CNTN5: variants seen among roughly 807,000 people sequenced by gnomAD.
CNTN5 encodes the protein contactin-5.
In CNTN5, 77 loss-of-function variants were observed where a neutral mutation model predicts 129.1. That is an observed-to-expected ratio of 0.60 (90% CI 0.50 to 0.72). The LOEUF (loss-of-function observed/expected upper bound fraction) is 0.72. Among genes scored for constraint, CNTN5 ranks in the 30% least tolerant of loss-of-function variants. The pLI is 0.00. For missense variants in CNTN5, 1,478 were observed against 1,328.8 expected (o/e 1.11, Z -1.75); for synonymous variants, 509 against 465.6 (o/e 1.09, Z -1.20).
At chr11:99,352,636 A>G (rs535327035) in intron 2 of CNTN5, among the ~76,000 whole-genome samples, 30 of 152,300 alleles carry the variant, frequency 2.0e-4, no homozygotes, top group African/African-American at 7.0e-4. Context: ...ACTTTCCACA[A>G]TTTCTGTGTA....
rs998245685 is a variant in CNTN5, at chr11:99,675,804, G to A, written c.55+119535G>A. ...ACATAGCCCCTGCAGTTGTTATATG[G>A]GTACTAAATTGTGACTCTGTCAACA... is the stretch of plus-strand genomic sequence containing the variant. On this transcript the variant is annotated intron_variant, in intron 3 of 24. Coordinates refer to ENST00000524871, the MANE Select transcript of CNTN5 (RefSeq NM_014361.4). Among the ~76,000 whole-genome samples the A allele has an allele frequency of 2.6e-5, 4 of 152,106 alleles. No individual in the cohort carries two copies. The East Asian group carries it at 7.7e-4, about 29-fold the overall frequency.
chr11:99,731,505 C>A (rs1343001686), intron 3 of CNTN5, among the ~76,000 whole-genome samples: 1 of 152,118 alleles, frequency 6.6e-6, no homozygotes, highest in East Asian at 1.9e-4. Flanking sequence ...AAATACTTTA[C>A]CCTTAAATTA....
chr11:99,031,571 A>C (rs1431832781), intron 1 of CNTN5, among the ~76,000 whole-genome samples: 2 of 152,028 alleles, frequency 1.3e-5, no homozygotes, highest in African/African-American at 2.4e-5. Flanking sequence ...AGCTGATAGA[A>C]AGCAATTTTG....
At chr11:99,661,703 A>G (rs981266932) in intron 3 of CNTN5, among the ~76,000 whole-genome samples, 1 of 152,124 alleles carries the variant, frequency 6.6e-6, no homozygotes, top group East Asian at 1.9e-4. Context: ...ACATATACAC[A>G]TATAGTAACT....
chr11:99,581,733 C>G (rs926361153), intron 3 of CNTN5, among the ~76,000 whole-genome samples: 9 of 152,206 alleles, frequency 5.9e-5, no homozygotes, highest in African/African-American at 2.2e-4. Context: ...TGTCTCAGCA[C>G]ATGAGATGGG....
chr11:99,981,587 T>G (rs921096321), intron 8 of CNTN5, among the ~76,000 whole-genome samples: 6 of 152,180 alleles, frequency 3.9e-5, no homozygotes, highest in Non-Finnish European at 8.8e-5. Context: ...TTTCTTGGTA[T>G]TGCTTAACGT....
intron 9 of CNTN5, among the ~76,000 whole-genome samples, chr11:100,040,567 G>T (rs964449145): frequency 1.2e-4 from 18 of 152,240 alleles, no homozygotes; most frequent in Non-Finnish European, 1.5e-4. Context: ...TGCCCCCAGA[G>T]GTGGAGCCTA....
At chr11:100,099,050 G>T (rs1945120751) in intron 13 of CNTN5, among the ~76,000 whole-genome samples, 1 of 151,996 alleles carries the variant, frequency 6.6e-6, no homozygotes, top group Non-Finnish European at 1.5e-5. Flanking sequence ...AGTAACTTTG[G>T]AAAAGAGCCT....
intron 3 of CNTN5, among the ~76,000 whole-genome samples, chr11:99,652,845 G>C (rs1952211042): frequency 6.6e-6 from 1 of 151,982 alleles, no homozygotes; most frequent in Non-Finnish European, 1.5e-5. Flanking sequence ...CCTTTCTAAA[G>C]TCTAAACAAT....
At chr11:99,896,480 A>T (rs1430334092) in intron 6 of CNTN5, among the ~76,000 whole-genome samples, 6 of 152,080 alleles carry the variant, frequency 3.9e-5, no homozygotes, top group Non-Finnish European at 5.9e-5. Context: ...GAGGAGTAGC[A>T]GGCACGTGAT....
At chr11:100,308,159 A>T (rs1951396859) in intron 20 of CNTN5, among the ~76,000 whole-genome samples, 200 bp from the exon 21 acceptor site, 1 of 151,742 alleles carries the variant, frequency 6.6e-6, no homozygotes, top group Admixed American at 6.6e-5. Context: ...GTCATTTGTC[A>T]TTGGTAAGGT....
At chr11:99,320,384 C>A (rs1395842441) in intron 1 of CNTN5, among the ~76,000 whole-genome samples, 1 of 152,110 alleles carries the variant, frequency 6.6e-6, no homozygotes, top group East Asian at 1.9e-4. Context: ...TGAAAGGAAG[C>A]AGGCATAGTT....
At chr11:99,815,669 G>T (rs1946563808) in intron 3 of CNTN5, among the ~76,000 whole-genome samples, 1 of 152,094 alleles carries the variant, frequency 6.6e-6, no homozygotes, top group Non-Finnish European at 1.5e-5. Context: ...TGTGGAGCAG[G>T]CAGGAAGCTA....
intron 13 of CNTN5, among the ~76,000 whole-genome samples, chr11:100,176,781 T>A (rs555024941): frequency 6.6e-6 from 1 of 152,104 alleles, no homozygotes; most frequent in Admixed American, 6.6e-5. Flanking sequence ...TGCTTTTAAT[T>A]CTAATTCTAA....
chr11:99,660,755 A>G (rs761172060), intron 3 of CNTN5, among the ~76,000 whole-genome samples: 1 of 152,130 alleles, frequency 6.6e-6, no homozygotes. Context: ...AATTCTATGC[A>G]GCCGCCTCAG....
chr11:99,205,022 A>T (rs915035735), intron 1 of CNTN5, among the ~76,000 whole-genome samples: 1 of 152,212 alleles, frequency 6.6e-6, no homozygotes, highest in Non-Finnish European at 1.5e-5. Flanking sequence ...AAAATGTCAG[A>T]GAATTGCACT....
At chr11:99,419,295 CTT>C (rs981864295) in intron 2 of CNTN5, among the ~76,000 whole-genome samples, 4 of 152,056 alleles carry the variant, frequency 2.6e-5, no homozygotes, top group African/African-American at 9.7e-5. Context: ...TATGTGATGA[CTT>C]TACTCATTTT....
intron 1 of CNTN5, among the ~76,000 whole-genome samples, chr11:99,150,756 T>C (rs1203903509): frequency 6.6e-6 from 1 of 152,086 alleles, no homozygotes; most frequent in Non-Finnish European, 1.5e-5. Context: ...GATAGTGCTT[T>C]ACCTTAAATT....
intron 6 of CNTN5, among the ~76,000 whole-genome samples, chr11:99,853,269 T>G (rs992918986): frequency 5.3e-5 from 8 of 152,192 alleles, no homozygotes; most frequent in African/African-American, 1.9e-4. Flanking sequence ...CTATGTTTCA[T>G]GTGTAACGAA....
Sources: allele counts gnomAD v4.1 joint callset (sites outside exome capture counted in the v4.1 genomes callset), GRCh38; gene constraint gnomAD v4.1.1; transcripts MANE v1.5; gene names NCBI Gene and HGNC (gene_info 2026-07-23, HGNC 2026-07-21).